The following CREBZF variants were observed in gnomAD, a reference collection of about 807,000 sequenced individuals.
The protein encoded by CREBZF is CREB/ATF bZIP transcription factor.
In CREBZF, 8 loss-of-function variants were observed where a neutral mutation model predicts 21.1. The ratio of observed to expected loss-of-function variants is 0.38; its 90% CI spans 0.22 to 0.68. CREBZF has a LOEUF of 0.68. Ranked by LOEUF, CREBZF falls within the 30% of genes least tolerant of loss-of-function variation. The probability of loss-of-function intolerance (pLI) is 0.51; values close to 1 mark genes in which losing one functional copy is unlikely to be tolerated. For missense variants in CREBZF, 518 were observed against 484.3 expected (o/e 1.07, Z -0.65); for synonymous variants, 270 against 223.3 (o/e 1.21, Z -1.86).
upstream of CREBZF, among the ~76,000 whole-genome samples, chr11:85,668,996 C>T (rs573648028): frequency 2.1e-3 from 70 of 33,954 alleles, no homozygotes; most frequent in Non-Finnish European, 3.5e-3. Flanking sequence ...AGCGAGACTC[C>T]GTCTCAAAAA....
chr11:85,659,816 CA>C lies in CREBZF; in HGVS notation c.*3994del, dbSNP rs2082623753. 6.6e-6 allele frequency: 1 copy of C among 151,972 alleles called. No individual in the cohort carries two copies. The highest frequency in any genetic ancestry group is 6.6e-5 in the Admixed American group (1 of 15,242). The allele number at this position is 151,972 out of a possible 1,614,324, so 9.4% of individuals were successfully genotyped here. A position where few individuals can be genotyped will look rare whatever the true frequency, so the allele number is the denominator to read the frequency against. On this transcript the variant is annotated 3_prime_UTR_variant, in exon 1 of 1. Transcript: ENST00000527447. ...CATCCACAATACTAAAGTCCTTATA[CA>C]ACACTAGATAAATTTTTATATAAAA...
At position 85,660,912 on chromosome 11, in the gene CREBZF, A is replaced by C; in HGVS notation, c.*2899T>G. On this transcript the variant is annotated 3_prime_UTR_variant, in exon 1 of 1. Transcript: ENST00000527447. ...GAGGCACATTTAGAAGAAAAACAAA[A>C]GGGTCACCCAAATACTAAATTGTTT... The C allele has an allele frequency of 5.9e-6, 1 of 168,362 alleles. No homozygotes were observed. The highest frequency in any genetic ancestry group is 1.3e-5 in the Non-Finnish European group (1 of 78,064). The allele number at this position is 168,362 out of a possible 1,614,324, so 10.4% of individuals were successfully genotyped here.
rs2082643336 is a variant in CREBZF, at chr11:85,660,513, A to G, written c.*3298T>C. On this transcript the variant is annotated 3_prime_UTR_variant, in exon 1 of 1. Transcript: ENST00000527447. The stretch of plus-strand genomic sequence containing the variant: ...AGCAGATGCCAAATTTTTGACCGAC[A>G]TGGTTCTCACAATTACTTTGTTACC... The G allele has an allele frequency of 2.4e-6, 1 of 424,372 alleles. No individual in the cohort carries two copies. Among genetic ancestry groups the G allele is most frequent in the Non-Finnish European group, 4.6e-6 (1 of 217,092 alleles). 26.3% of individuals were successfully genotyped at this position (424,372 alleles called of 1,614,324 possible).
chr11:85,668,900 G>T (rs371726377), upstream of CREBZF, among the ~76,000 whole-genome samples: 137 of 148,796 alleles, frequency 9.2e-4, 2 homozygotes, highest in African/African-American at 3.3e-3. Context: ...TACTCGGGAG[G>T]CTGAGGCAGG....
In CREBZF at chr11:85,660,075, A is replaced by G. The variant is rs1430578164; in HGVS notation, c.*3736T>C. 6.6e-6 allele frequency: 1 copy of G among 152,402 alleles called. No homozygotes were observed. Among genetic ancestry groups the G allele is most frequent in the Non-Finnish European group, 1.5e-5 (1 of 68,176 alleles). The allele number at this position is 152,402 out of a possible 1,614,324, so 9.4% of individuals were successfully genotyped here. ...TCTTTATAGTTCAGAACTTTACATT[A>G]ACTTTTATATTCTACTCAGCAGGGT... is the stretch of plus-strand genomic sequence containing the variant. On this transcript the variant is annotated 3_prime_UTR_variant, in exon 1 of 1. Coordinates refer to ENST00000527447, the MANE Select transcript of CREBZF (RefSeq NM_001039618.4).
rs2082588182 is a variant in CREBZF, at chr11:85,658,746, A to G, written c.*5065T>C. On this transcript the variant is annotated 3_prime_UTR_variant, in exon 1 of 1. Coordinates refer to ENST00000527447, the MANE Select transcript of CREBZF (RefSeq NM_001039618.4). The stretch of plus-strand genomic sequence containing the variant: ...CACTAAGAGCCAGAGGGGTCTAGGG[A>G]ATTGATCTCAGTGGGTATACAGCAA... 1.3e-5 allele frequency among the ~76,000 whole-genome samples: 2 copies of G among 152,050 alleles called. No homozygotes were observed. Among genetic ancestry groups the G allele is most frequent in the Non-Finnish European group, 2.9e-5 (2 of 67,920 alleles).
At position 85,664,641 on chromosome 11, in the gene CREBZF, A is replaced by G. The variant is rs769631933; in HGVS notation, c.235T>C (p.Ser79Pro). Residue 79 changes from serine (S) to proline (P), a missense_variant, in exon 1 of 1, where the codon TCC becomes CCC. Transcript: ENST00000527447. The surrounding 1 kb of genome is among the most constrained non-coding windows in gnomAD (Gnocchi z 5.5). ...GCCTCCTCCTCCATCTCCTCGGGGG[A>G]GGGCGCGCGCACGGCCACGCCGCCG... is the stretch of plus-strand genomic sequence containing the variant. Reference protein sequence around the residue: ...SRGGVAVRAPSPEEMEEEAIA... With the variant: ...SRGGVAVRAPPPEEMEEEAIA... The G allele has an allele frequency of 1.2e-6, 2 of 1,606,692 alleles. No individual in the cohort carries two copies. The highest frequency in any genetic ancestry group is 1.1e-5 in the South Asian group (1 of 90,586).
chr11:85,666,071 CT>C (rs2082857461), upstream of CREBZF, among the ~76,000 whole-genome samples: 1 of 152,142 alleles, frequency 6.6e-6, no homozygotes, highest in Non-Finnish European at 1.5e-5. Flanking sequence ...TCCTTTAAAA[CT>C]CTTTGTCTTC....
Position 85,660,399 on chromosome 11 carries a change from T to G in CREBZF, c.*3412A>C. On this transcript the variant is annotated 3_prime_UTR_variant, in exon 1 of 1. Coordinates refer to ENST00000527447, the MANE Select transcript of CREBZF (RefSeq NM_001039618.4). ...TATCTCTATTAAGTCTTTCAAGGAT[T>G]CCAGAGAATCTTTTCATATCTCCAT... 1 of 295,420 alleles carries G rather than the reference T, an allele frequency of 3.4e-6. No homozygotes were observed. The highest frequency in any genetic ancestry group is 2.9e-5 in the South Asian group (1 of 34,786). The allele number at this position is 295,420 out of a possible 1,614,324, so 18.3% of individuals were successfully genotyped here.
chr11:85,681,698 G>A (rs78902090), intron 1 of CREBZF, among the ~76,000 whole-genome samples: 7,281 of 152,254 alleles, frequency 0.048, 568 homozygotes, highest in African/African-American at 0.17. Context: ...AGGGATATAG[G>A]TCTGCTTTAG....
chr11:85,663,756 A>G lies in CREBZF; in HGVS notation c.*55T>C. On this transcript the variant is annotated 3_prime_UTR_variant, in exon 1 of 1. Coordinates refer to ENST00000527447, the MANE Select transcript of CREBZF (RefSeq NM_001039618.4). ...GATGTCCCACTAAGGTAAGTTTGAC[A>G]TGGTGTAAGGGAGTTGAAAGGGGTA... The G allele has an allele frequency of 1.3e-6, 2 of 1,586,128 alleles. No individual in the cohort carries two copies. The highest frequency in any genetic ancestry group is 1.7e-6 in the Non-Finnish European group (2 of 1,167,314).
At chr11:85,669,427 C>T (rs1030289070), upstream of CREBZF, among the ~76,000 whole-genome samples, 1 of 152,036 alleles carries the variant, frequency 6.6e-6, no homozygotes, top group Admixed American at 6.6e-5. Context: ...CACACACACA[C>T]ACACACACAC....
intron 1 of CREBZF, among the ~76,000 whole-genome samples, chr11:85,671,987 G>A (rs1443433991): frequency 6.6e-6 from 1 of 152,248 alleles, no homozygotes; most frequent in Non-Finnish European, 1.5e-5. Context: ...CCCTAGCAGA[G>A]GTTCTCCATG....
chr11:85,664,861 C>T lies in CREBZF; in HGVS notation c.15G>A (p.Leu5=). 1 of 1,501,696 alleles carries T rather than the reference C, an allele frequency of 6.7e-7. No individual in the cohort carries two copies. Among genetic ancestry groups the T allele is most frequent in the Non-Finnish European group, 8.9e-7 (1 of 1,129,910 alleles). The allele number at this position is 1,501,696 out of a possible 1,614,324, so 93.0% of individuals were successfully genotyped here. A position where few individuals can be genotyped will look rare whatever the true frequency, so the allele number is the denominator to read the frequency against. Residue 5 remains leucine (L), a synonymous_variant, in exon 1 of 1, where the codon CTG becomes CTA. Transcript: ENST00000527447. The surrounding 1 kb of genome is among the most constrained non-coding windows in gnomAD (Gnocchi z 5.5). MRHS[L]TKLLAASGSN... Reference sequence around the variant, plus strand: ...TGCCCGAGGCTGCCAGCAGCTTGGTCAGGCTATGCCTCATGAGGGCCAGCG... The same window carrying T: ...TGCCCGAGGCTGCCAGCAGCTTGGTTAGGCTATGCCTCATGAGGGCCAGCG...
chr11:85,681,480 C>G (rs913197348), intron 1 of CREBZF, among the ~76,000 whole-genome samples: 1 of 152,212 alleles, frequency 6.6e-6, no homozygotes, highest in Non-Finnish European at 1.5e-5. Context: ...GTTCATTTCT[C>G]CTGTAGCTCT....
At position 85,660,797 on chromosome 11, in the gene CREBZF, G is replaced by GT. The variant is rs1006789788; in HGVS notation, c.*3013dup. ...TAGAAATAGTAGGTCAAAATATGATGTGTTAGTTCAATTAATGTATGAACT... is the reference window on the plus strand; with the variant it reads ...TAGAAATAGTAGGTCAAAATATGATGTTGTTAGTTCAATTAATGTATGAACT... On this transcript the variant is annotated 3_prime_UTR_variant, in exon 1 of 1. Coordinates refer to ENST00000527447, the MANE Select transcript of CREBZF (RefSeq NM_001039618.4). 1.5e-4 allele frequency: 41 copies of GT among 267,056 alleles called. No individual in the cohort carries two copies. The highest frequency in any genetic ancestry group is 7.7e-4 in the African/African-American group (33 of 42,910). The allele number at this position is 267,056 out of a possible 1,614,324, so 16.5% of individuals were successfully genotyped here.
chr11:85,669,087 G>A (rs1224340956), upstream of CREBZF, among the ~76,000 whole-genome samples: 5 of 134,484 alleles, frequency 3.7e-5, no homozygotes, highest in Non-Finnish European at 6.3e-5. Context: ...TTAACAACAT[G>A]AATGGCTATT....
At chr11:85,672,373 A>T (rs1044986861) in intron 1 of CREBZF, among the ~76,000 whole-genome samples, 1 of 152,238 alleles carries the variant, frequency 6.6e-6, no homozygotes, top group Non-Finnish European at 1.5e-5. Context: ...TGTCTTGGTG[A>T]TTAACATGTT....
Position 85,663,534 on chromosome 11 carries a change from G to T in CREBZF, c.*277C>A. On this transcript the variant is annotated 3_prime_UTR_variant, in exon 1 of 1. Coordinates refer to ENST00000527447, the MANE Select transcript of CREBZF (RefSeq NM_001039618.4). ...GAGATGGATCCTTACCAGGTTGTGAGGCGGGAACGACTGTTCTGTAACCCC... is the reference window on the plus strand; with the variant it reads ...GAGATGGATCCTTACCAGGTTGTGATGCGGGAACGACTGTTCTGTAACCCC... 8.3e-7 allele frequency: 1 copy of T among 1,204,316 alleles called. No homozygotes were observed. Among genetic ancestry groups the T allele is most frequent in the Non-Finnish European group, 1.2e-6 (1 of 830,832 alleles). The allele number at this position is 1,204,316 out of a possible 1,614,324, so 74.6% of individuals were successfully genotyped here.
Sources: gnomAD v4.1 joint callset for allele counts (sites outside exome capture counted in the v4.1 genomes callset) on GRCh38, gnomAD v4.1.1 for gene constraint, Gnocchi (gnomAD v3.1) non-coding constraint, MANE v1.5 for transcripts, NCBI Gene and HGNC (gene_info 2026-07-23, HGNC 2026-07-21) for gene names.